The following DYNLL1 variants were observed in gnomAD, a reference collection of about 807,000 sequenced individuals.
The protein encoded by DYNLL1 is dynein light chain LC8-type 1.
DYNLL1 carries 3 observed loss-of-function variants against 10.1 expected under a neutral mutation model. The ratio of observed to expected loss-of-function variants is 0.30; its 90% CI spans 0.14 to 0.77. The LOEUF is 0.77. DYNLL1 is among the 30% of genes least tolerant of loss of function. The pLI is 0.66. For synonymous variants in DYNLL1, 46 were observed against 41.2 expected, an observed-to-expected ratio of 1.12 and a Z score of -0.45; for missense variants, 47 against 111.7, an observed-to-expected ratio of 0.42 and a Z score of 2.61.
chr12:120,478,594 G>C (rs1034513271), intron 1 of DYNLL1, among the ~76,000 whole-genome samples: 1 of 149,974 alleles, frequency 6.7e-6, no homozygotes, highest in Non-Finnish European at 1.5e-5. Context: ...GCTCATGCCT[G>C]TAATCCTAGC....
chr12:120,493,194 A>G (rs967612963), upstream of DYNLL1, among the ~76,000 whole-genome samples: 3 of 152,312 alleles, frequency 2.0e-5, no homozygotes, highest in East Asian at 1.9e-4. Flanking sequence ...TTTATGGCCA[A>G]TGAGACTGGC....
At chr12:120,472,059 ATTATT>A (rs1289048511) in intron 1 of DYNLL1, among the ~76,000 whole-genome samples, 1 of 152,228 alleles carries the variant, frequency 6.6e-6, no homozygotes, top group Non-Finnish European at 1.5e-5. Context: ...ATGTTACACA[ATTATT>A]AAGTCATGTT....
Position 120,498,422 on chromosome 12 carries a change from A to C in DYNLL1, c.*212A>C. ...TAGCCTACATTTGTATTTATTTTCT[A>C]TTCCATACTTCTGCCCACGTTGTTT... On this transcript the variant is annotated 3_prime_UTR_variant, in exon 3 of 3. Transcript: ENST00000242577. 2.0e-6 allele frequency: 1 copy of C among 494,862 alleles called. No homozygotes were observed. Among genetic ancestry groups the C allele is most frequent in the Non-Finnish European group, 3.4e-6 (1 of 297,000 alleles). The allele number at this position is 494,862 out of a possible 1,614,324, so 30.7% of individuals were successfully genotyped here.
chr12:120,478,810 G>A (rs1443971320), intron 1 of DYNLL1, among the ~76,000 whole-genome samples: 2 of 148,248 alleles, frequency 1.3e-5, no homozygotes, highest in Admixed American at 1.3e-4. Context: ...CCAGCCTCCC[G>A]AGTAGATGGG....
rs555061681 is a variant in DYNLL1 at position 120,483,187 on chromosome 12, A to C, written c.-7+13083A>C. The stretch of plus-strand genomic sequence containing the variant: ...ACCCCGTCTCTACTAAAAATACAAA[A>C]ATTATCTGGGTGTGGTGGTGCACAC... On this transcript the variant is annotated intron_variant, in intron 1 of 2. Coordinates refer to the DYNLL1 transcript ENST00000392509. 4.6e-5 allele frequency among the ~76,000 whole-genome samples: 7 copies of C among 151,244 alleles called. No individual in the cohort carries two copies. The East Asian group carries it at 1.4e-3, about 30-fold the overall frequency.
upstream of DYNLL1, among the ~76,000 whole-genome samples, chr12:120,493,454 T>C (rs1474867715): frequency 6.6e-6 from 1 of 151,728 alleles, no homozygotes; most frequent in Admixed American, 6.6e-5. Flanking sequence ...AAGAATCACT[T>C]GAACCCAGAT....
intron 1 of DYNLL1, among the ~76,000 whole-genome samples, chr12:120,477,087 A>G (rs1050869073): frequency 1.3e-5 from 2 of 149,554 alleles, no homozygotes; most frequent in Non-Finnish European, 3.0e-5. Flanking sequence ...CTGCCACCAC[A>G]CTTGGATAAT....
At chr12:120,471,208 T>TAAA (rs1878642580) in intron 1 of DYNLL1, among the ~76,000 whole-genome samples, 1 of 115,106 alleles carries the variant, frequency 8.7e-6, no homozygotes, top group African/African-American at 3.2e-5. Context: ...CTACTAAAAA[T>TAAA]ACAAAAAAAA....
At chr12:120,494,569 C>G (rs1879220333), upstream of DYNLL1, among the ~76,000 whole-genome samples, 1 of 152,278 alleles carries the variant, frequency 6.6e-6, no homozygotes, top group South Asian at 2.1e-4. Context: ...AGCCACCGCA[C>G]CCGGCCTATT....
chr12:120,497,916 A>G (rs573112768), intron 2 of DYNLL1, 157 bp from the exon 3 acceptor site: 18 of 698,230 alleles, frequency 2.6e-5, no homozygotes, highest in African/African-American at 1.4e-4. Flanking sequence ...TTAATGTACT[A>G]TGTAGGCGGC....
At chr12:120,484,396 G>A (rs1269790705) in intron 1 of DYNLL1, among the ~76,000 whole-genome samples, 4 of 152,062 alleles carry the variant, frequency 2.6e-5, no homozygotes, top group Non-Finnish European at 2.9e-5. Context: ...GTTTATGAAA[G>A]GAATAAAGTA....
Position 120,496,201 on chromosome 12 carries a change from A to G in DYNLL1, c.-22A>G. On this transcript the variant is annotated 5_prime_UTR_variant, in exon 1 of 3. Coordinates refer to ENST00000242577, the MANE Select transcript of DYNLL1 (RefSeq NM_003746.3). ...CCCCAGGAGACCGTTGCAGTCGGCC[A>G]GCCCCCTTCTCCACGGTGAGAAACT... 4 of 664,282 alleles carry G rather than the reference A, an allele frequency of 6.0e-6. No individual in the cohort carries two copies. Among genetic ancestry groups the G allele is most frequent in the Non-Finnish European group, 1.0e-5 (4 of 391,672 alleles). The allele number at this position is 664,282 out of a possible 1,614,324, so 41.1% of individuals were successfully genotyped here. A position where few individuals can be genotyped will look rare whatever the true frequency, so the allele number is the denominator to read the frequency against.
In DYNLL1 at chr12:120,496,169, G is replaced by A; in HGVS notation, c.-54G>A. 1 of 603,518 alleles carries A rather than the reference G, an allele frequency of 1.7e-6. No homozygotes were observed. The highest frequency in any genetic ancestry group is 2.9e-6 in the Non-Finnish European group (1 of 343,204). The allele number at this position is 603,518 out of a possible 1,614,324, so 37.4% of individuals were successfully genotyped here. On this transcript the variant is annotated 5_prime_UTR_variant, in exon 1 of 3. Coordinates refer to ENST00000242577, the MANE Select transcript of DYNLL1 (RefSeq NM_003746.3). ...CTCTAGCCGGGCCTGAGCTGTGCTA[G>A]CACCTCCCCCAGGAGACCGTTGCAG...
intron 1 of DYNLL1, among the ~76,000 whole-genome samples, chr12:120,488,901 G>A (rs984493311): frequency 2.6e-5 from 4 of 151,950 alleles, no homozygotes; most frequent in South Asian, 2.1e-4. Flanking sequence ...CAACAAGAAC[G>A]AAACTCTGTC....
intron 1 of DYNLL1, among the ~76,000 whole-genome samples, chr12:120,482,985 G>C (rs1208040201): frequency 6.6e-6 from 1 of 152,004 alleles, no homozygotes; most frequent in African/African-American, 2.4e-5. Context: ...AGAGGCTGAC[G>C]CAGGAGGATC....
At chr12:120,476,584 C>A (rs1206582233) in intron 1 of DYNLL1, among the ~76,000 whole-genome samples, 5 of 152,170 alleles carry the variant, frequency 3.3e-5, no homozygotes, top group African/African-American at 1.2e-4. Context: ...CTTGAAGGTG[C>A]TAGAAGGACA....
chr12:120,479,837 GCCC>G (rs1878844798), intron 1 of DYNLL1, among the ~76,000 whole-genome samples: 1 of 152,198 alleles, frequency 6.6e-6, no homozygotes, highest in East Asian at 1.9e-4. Flanking sequence ...ACAGTGAGAT[GCCC>G]TAATGTAAAT....
chr12:120,480,670 G>A (rs1878860672), intron 1 of DYNLL1, among the ~76,000 whole-genome samples: 1 of 152,154 alleles, frequency 6.6e-6, no homozygotes, highest in South Asian at 2.1e-4. Context: ...GCCCAGGCCT[G>A]TGTGACCCAA....
chr12:120,475,272 A>G (rs1007362089), intron 1 of DYNLL1, among the ~76,000 whole-genome samples: 1 of 152,254 alleles, frequency 6.6e-6, no homozygotes, highest in African/African-American at 2.4e-5. Context: ...AGTTACTTCA[A>G]GTGAACATAC....
Sources: allele counts gnomAD v4.1 joint callset (sites outside exome capture counted in the v4.1 genomes callset), GRCh38; gene constraint gnomAD v4.1.1; transcripts MANE v1.5; gene names NCBI Gene and HGNC (gene_info 2026-07-23, HGNC 2026-07-21).